Variants in CCDC85C observed in about 807,000 individuals in gnomAD.
CCDC85C encodes the protein coiled-coil domain-containing protein 85C.
CCDC85C carries 18 observed loss-of-function variants against 38.3 expected under a neutral mutation model. The observed-to-expected ratio is 0.47, with a 90% CI of 0.33 to 0.70. The LOEUF is 0.70. Among genes scored for constraint, CCDC85C ranks in the 30% least tolerant of loss-of-function variants. The pLI, the probability that CCDC85C is intolerant of heterozygous loss-of-function variation, is 0.03. For missense variants in CCDC85C, 566 were observed against 621.2 expected (o/e 0.91, Z 0.94); for synonymous variants, 264 against 293.8 (o/e 0.90, Z 1.04).
intron 1 of CCDC85C, among the ~76,000 whole-genome samples, chr14:99,543,368 C>T (rs1013720856): frequency 2.0e-5 from 3 of 152,126 alleles, no homozygotes; most frequent in African/African-American, 4.8e-5. Flanking sequence ...GGTCGGCGGG[C>T]AGGGGCAGTA....
chr14:99,567,901 C>G (rs1274170821), intron 1 of CCDC85C, among the ~76,000 whole-genome samples: 1 of 152,210 alleles, frequency 6.6e-6, no homozygotes, highest in African/African-American at 2.4e-5. Context: ...GGCTGGGGAC[C>G]TGGATCACAC....
chr14:99,585,068 C>T (rs2055012576), intron 1 of CCDC85C, among the ~76,000 whole-genome samples: 1 of 152,180 alleles, frequency 6.6e-6, no homozygotes, highest in African/African-American at 2.4e-5. Flanking sequence ...ACACTCCAGC[C>T]TGGGCCACAG....
At position 99,503,965 on chromosome 14, in the gene CCDC85C, GCAGCAGGAGTCCTCTCCCAAGCAC is replaced by G; in HGVS notation, c.*11257_*11280del. The G allele has an allele frequency of 2.8e-6, 1 of 362,736 alleles. No individual in the cohort carries two copies. Among genetic ancestry groups the G allele is most frequent in the South Asian group, 2.4e-5 (1 of 42,484 alleles). The allele number at this position is 362,736 out of a possible 1,614,324, so 22.5% of individuals were successfully genotyped here. On this transcript the variant is annotated 3_prime_UTR_variant, in exon 6 of 6. Transcript: ENST00000380243. ...TTAGAGACTATTTACCCCCATCACAGCAGCAGGAGTCCTCTCCCAAGCACCAAGCCACAGCAGATGCGGGGGGGC... is the reference window on the plus strand; with the variant it reads ...TTAGAGACTATTTACCCCCATCACAGCAAGCCACAGCAGATGCGGGGGGGC...
At chr14:99,538,264 G>C (rs1897644618) in intron 1 of CCDC85C, among the ~76,000 whole-genome samples, 2 of 152,212 alleles carry the variant, frequency 1.3e-5, no homozygotes, top group African/African-American at 4.8e-5. Context: ...CCACGCCACA[G>C]GTCAGTCTTT....
intron 1 of CCDC85C, among the ~76,000 whole-genome samples, chr14:99,587,267 A>G (rs956508541): frequency 6.6e-6 from 1 of 152,238 alleles, no homozygotes; most frequent in Non-Finnish European, 1.5e-5. Flanking sequence ...AGGATGAGTC[A>G]CCATGGCCTG....
chr14:99,598,566 ACAGGAATGAGGCCCCGGGCCTGG>A (rs2055167765), intron 1 of CCDC85C, among the ~76,000 whole-genome samples: 1 of 152,112 alleles, frequency 6.6e-6, no homozygotes, highest in African/African-American at 2.4e-5. Flanking sequence ...ACACAGGGAG[ACAGGAATGAGGCCCCGGGCCTGG>A]CATCCTGGGA....
In CCDC85C at chr14:99,502,476, T is replaced by G; in HGVS notation, c.*12770A>C. 6.8e-7 allele frequency: 1 copy of G among 1,467,404 alleles called. No individual in the cohort carries two copies. Among genetic ancestry groups the G allele is most frequent in the Non-Finnish European group, 9.1e-7 (1 of 1,100,120 alleles). 90.9% of individuals were successfully genotyped at this position (1,467,404 alleles called of 1,614,324 possible). A position where few individuals can be genotyped will look rare whatever the true frequency, so the allele number is the denominator to read the frequency against. On this transcript the variant is annotated 3_prime_UTR_variant, in exon 6 of 6. Coordinates refer to ENST00000380243, the MANE Select transcript of CCDC85C (RefSeq NM_001144995.2). ...AAGAATGGATTTTCCCAGATAGACA[T>G]ATGTGAGCAATATTTCAGAAGCATC...
chr14:99,539,598 A>G (rs1897671972), intron 1 of CCDC85C, among the ~76,000 whole-genome samples: 1 of 152,214 alleles, frequency 6.6e-6, no homozygotes, highest in African/African-American at 2.4e-5. Flanking sequence ...TGATGTTTAG[A>G]AAGTTTCTCT....
intron 1 of CCDC85C, among the ~76,000 whole-genome samples, chr14:99,563,977 C>T (rs1447125501): frequency 6.6e-6 from 1 of 152,222 alleles, no homozygotes; most frequent in Non-Finnish European, 1.5e-5. Flanking sequence ...GCAGCCTGGG[C>T]ACGGACCATC....
At chr14:99,575,223 G>T (rs970042162) in intron 1 of CCDC85C, among the ~76,000 whole-genome samples, 1 of 152,200 alleles carries the variant, frequency 6.6e-6, no homozygotes, top group Non-Finnish European at 1.5e-5. Context: ...CTCAGCCAGC[G>T]CAGGGCATTA....
chr14:99,562,311 C>G (rs1205246850), intron 1 of CCDC85C, among the ~76,000 whole-genome samples: 1 of 152,186 alleles, frequency 6.6e-6, no homozygotes, highest in Non-Finnish European at 1.5e-5. Context: ...TCCTCTGGCA[C>G]CCCTGAGGGC....
chr14:99,510,936 G>T lies in CCDC85C; in HGVS notation c.*4310C>A. The T allele has an allele frequency of 1.6e-6, 1 of 613,182 alleles. No individual in the cohort carries two copies. The highest frequency in any genetic ancestry group is 4.8e-4 in the Middle Eastern group (1 of 2,068). The allele number at this position is 613,182 out of a possible 1,614,324, so 38.0% of individuals were successfully genotyped here. A position where few individuals can be genotyped will look rare whatever the true frequency, so the allele number is the denominator to read the frequency against. On this transcript the variant is annotated 3_prime_UTR_variant, in exon 6 of 6. Coordinates refer to ENST00000380243, the MANE Select transcript of CCDC85C (RefSeq NM_001144995.2). ...GGGCCCCTGGGATAAAATCAGAGTGGTCCTCACACCTAGAGGACGGGGACA... is the reference window on the plus strand; with the variant it reads ...GGGCCCCTGGGATAAAATCAGAGTGTTCCTCACACCTAGAGGACGGGGACA...
chr14:99,524,732 G>A (rs547346028), intron 2 of CCDC85C, among the ~76,000 whole-genome samples: 8 of 152,200 alleles, frequency 5.3e-5, no homozygotes, highest in South Asian at 4.1e-4. Context: ...GGATTTCCCC[G>A]AGGAGGGGAA....
Position 99,569,456 on chromosome 14 carries a change from C to T in CCDC85C, c.794-33368G>A, listed in dbSNP as rs1182232592. Among the ~76,000 whole-genome samples the T allele has an allele frequency of 6.6e-6, 1 of 152,222 alleles. No individual in the cohort carries two copies. The highest frequency in any genetic ancestry group is 1.5e-5 in the Non-Finnish European group (1 of 68,034). On this transcript the variant is annotated intron_variant, in intron 1 of 5. Transcript: ENST00000380243. This position sits in a 1 kb window ranked among gnomAD's most constrained non-coding sequence, Gnocchi z 4.3. ...CTGCCCTGCCCCACAGAGGCACCCA[C>T]CACTGCCTGGGGATCTAAGCAGTTA...
chr14:99,569,868 G>A lies in CCDC85C; in HGVS notation c.793+33299C>T, dbSNP rs553768440. Among the ~76,000 whole-genome samples the A allele has an allele frequency of 5.3e-4, 80 of 152,232 alleles. No individual in the cohort carries two copies. The highest frequency in any genetic ancestry group is 9.6e-4 in the Non-Finnish European group (65 of 67,992). ...AATCCCAACTTTGGGAAGCTGAGGC[G>A]GGAGGATAGCATGAGCCCAGGAGGT... On this transcript the variant is annotated intron_variant, in intron 1 of 5. Transcript: ENST00000380243. The surrounding 1 kb of genome is among the most constrained non-coding windows in gnomAD (Gnocchi z 4.3).
At position 99,506,640 on chromosome 14, in the gene CCDC85C, A is replaced by T. The variant is rs1896982661; in HGVS notation, c.*8606T>A. 6.1e-6 allele frequency: 1 copy of T among 164,898 alleles called. No homozygotes were observed. Among genetic ancestry groups the T allele is most frequent in the African/African-American group, 2.4e-5 (1 of 41,686 alleles). 10.2% of individuals were successfully genotyped at this position (164,898 alleles called of 1,614,324 possible). ...AAGAGAGAATAAACTATGTCTAAGA[A>T]TGAAAAGATAGAGATTCTCTTGTGG... On this transcript the variant is annotated 3_prime_UTR_variant, in exon 6 of 6. Coordinates refer to ENST00000380243, the MANE Select transcript of CCDC85C (RefSeq NM_001144995.2).
chr14:99,556,967 A>G (rs987485106), intron 1 of CCDC85C, among the ~76,000 whole-genome samples: 6 of 152,196 alleles, frequency 3.9e-5, no homozygotes, highest in African/African-American at 1.4e-4. Context: ...ACAGTTGGCA[A>G]ATCGAAATGA....
Position 99,603,724 on chromosome 14 carries a change from TC to T in CCDC85C, c.235del (p.Asp79ThrfsTer108). The T allele has an allele frequency of 1.3e-6, 2 of 1,519,370 alleles. No individual in the cohort carries two copies. The highest frequency in any genetic ancestry group is 1.8e-6 in the Non-Finnish European group (2 of 1,139,216). The allele number at this position is 1,519,370 out of a possible 1,614,324, so 94.1% of individuals were successfully genotyped here. The part of the protein sequence containing the change: ...GLKDVNQRLQ[D>X]DNQELRELCC... ...GAGCTCGCGCAGCTCCTGGTTGTCG[TC>T]CTGCAGCCGCTGGTTCACGTCCTTG... is the stretch of plus-strand genomic sequence containing the variant. On this transcript the variant is annotated frameshift_variant, in exon 1 of 6. Transcript: ENST00000380243. LOFTEE classifies it high-confidence loss of function. This position sits in a 1 kb window ranked among gnomAD's most constrained non-coding sequence, Gnocchi z 7.5.
intron 1 of CCDC85C, among the ~76,000 whole-genome samples, chr14:99,564,327 A>C (rs1464133667): frequency 6.6e-6 from 1 of 152,150 alleles, no homozygotes; most frequent in Non-Finnish European, 1.5e-5. Flanking sequence ...CCAGACCCAC[A>C]AGATGGAAGA....
Sources: gnomAD v4.1 joint callset for allele counts (sites outside exome capture counted in the v4.1 genomes callset) on GRCh38, gnomAD v4.1.1 for gene constraint, Gnocchi (gnomAD v3.1) non-coding constraint, MANE v1.5 for transcripts, NCBI Gene and HGNC (gene_info 2026-07-23, HGNC 2026-07-21) for gene names.